Variants in ANKDD1A observed in about 807,000 individuals in gnomAD.
ANKDD1A encodes the protein ankyrin repeat and death domain-containing protein 1A.
ANKDD1A carries 59 observed loss-of-function variants against 63.5 expected under a neutral mutation model. The observed-to-expected ratio is 0.93, with a 90% CI of 0.75 to 1.15. The LOEUF (loss-of-function observed/expected upper bound fraction) is 1.15, where lower values mean the gene tolerates loss of function less well. Among genes scored for constraint, ANKDD1A ranks in the 50% most tolerant of loss-of-function variants. The pLI is 0.00. For missense variants in ANKDD1A, 632 were observed against 656.4 expected (o/e 0.96, Z 0.41); for synonymous variants, 266 against 263.9 (o/e 1.01, Z -0.08).
Position 64,943,480 on chromosome 15 carries a change from C to G in ANKDD1A, c.967-4C>G, listed in dbSNP as rs759192204. 1.9e-6 allele frequency: 3 copies of G among 1,614,146 alleles called. No individual in the cohort carries two copies. Among genetic ancestry groups the G allele is most frequent in the Non-Finnish European group, 2.5e-6 (3 of 1,180,000 alleles). On this transcript the variant is annotated splice_region_variant and splice_polypyrimidine_tract_variant and intron_variant, in intron 10 of 14. Coordinates refer to ENST00000319580, the MANE Select transcript of ANKDD1A (RefSeq NM_182703.6). ...CTTACCTATTCCCTTGGCTTCTCCC[C>G]TAGAGGCAGCAGACGCCCCTTCACC... is the stretch of plus-strand genomic sequence containing the variant.
intron 3 of ANKDD1A, among the ~76,000 whole-genome samples, chr15:64,918,069 A>G (rs902096084): frequency 2.6e-4 from 39 of 152,252 alleles, no homozygotes; most frequent in African/African-American, 8.0e-4. Flanking sequence ...CTACATTTAA[A>G]TTAAAAAAAA....
intron 11 of ANKDD1A, among the ~76,000 whole-genome samples, chr15:64,944,009 C>A (rs2085205126): frequency 6.6e-6 from 1 of 152,166 alleles, no homozygotes; most frequent in Non-Finnish European, 1.5e-5. Context: ...GAGCCAAAGA[C>A]TTGGTATGAG....
intron 8 of ANKDD1A, 184 bp downstream of exon 8, chr15:64,931,769 C>G: frequency 3.1e-6 from 2 of 634,974 alleles, no homozygotes; most frequent in Admixed American, 5.6e-5. Flanking sequence ...CTTAACCTCT[C>G]TGAGCCTTGT....
intron 3 of ANKDD1A, among the ~76,000 whole-genome samples, chr15:64,919,270 G>A (rs949144568): frequency 1.3e-5 from 2 of 152,098 alleles, no homozygotes; most frequent in African/African-American, 2.4e-5. Context: ...TTACTCCCAA[G>A]CGTCTGTGGA....
intron 6 of ANKDD1A, among the ~76,000 whole-genome samples, chr15:64,927,278 A>T (rs1341349057): frequency 2.0e-5 from 3 of 152,146 alleles, no homozygotes. Context: ...TTCTGATCCG[A>T]CGTGGCTGGC....
chr15:64,934,288 C>A, intron 9 of ANKDD1A, 54 bp downstream of exon 9: 1 of 1,524,988 alleles, frequency 6.6e-7, no homozygotes, highest in Non-Finnish European at 9.0e-7. Context: ...CTTCCATGAG[C>A]ACACTGATGA....
intron 14 of ANKDD1A, chr15:64,951,317 T>TTCTCTTC (rs201616755): frequency 5.4e-6 from 4 of 736,124 alleles, no homozygotes; most frequent in African/African-American, 7.9e-5. Flanking sequence ...CTTCTTCTTC[T>TTCTCTTC]TTCTTCTTTC....
intron 9 of ANKDD1A, among the ~76,000 whole-genome samples, chr15:64,935,896 G>A (rs950402359): frequency 6.6e-6 from 1 of 152,032 alleles, no homozygotes; most frequent in African/African-American, 2.4e-5. Flanking sequence ...TTTCTAGAAG[G>A]CAAGTTGACA....
chr15:64,938,899 C>G (rs373336451), intron 9 of ANKDD1A, among the ~76,000 whole-genome samples: 1 of 150,168 alleles, frequency 6.7e-6, no homozygotes, highest in Non-Finnish European at 1.5e-5. Context: ...GAGCCGAGAT[C>G]GCGCCACTGC....
chr15:64,919,378 A>C (rs2140365725), intron 3 of ANKDD1A, among the ~76,000 whole-genome samples: 1 of 152,370 alleles, frequency 6.6e-6, no homozygotes, highest in East Asian at 1.9e-4. Flanking sequence ...GCTCTGAACC[A>C]GTGCCAGGTC....
At chr15:64,951,995 TTTTC>T (rs554021131) in intron 14 of ANKDD1A, among the ~76,000 whole-genome samples, 143 of 150,706 alleles carry the variant, frequency 9.5e-4, no homozygotes, top group African/African-American at 3.2e-3. Flanking sequence ...TTCTTCTTTC[TTTTC>T]TTTCTTCTTC....
In ANKDD1A at chr15:64,942,500, C is replaced by A. The variant is rs200369345; in HGVS notation, c.901C>A (p.His301Asn). Reference protein sequence around the residue: ...GASPLHLAVRHNFPALVRLLI... With the variant: ...GASPLHLAVRNNFPALVRLLI... ...CTCTCCTCTGCACCTCGCTGTGAGG[C>A]ACAACTTCCCTGCCTTGGTCCGGCT... is the stretch of plus-strand genomic sequence containing the variant. The change falls in exon 10 of 15, where the codon CAC becomes AAC. Residue 301 changes from histidine to asparagine, a missense_variant. Coordinates refer to ENST00000319580, the MANE Select transcript of ANKDD1A (RefSeq NM_182703.6). 1 of 1,613,840 alleles carries A rather than the reference C, an allele frequency of 6.2e-7. No homozygotes were observed. The highest frequency in any genetic ancestry group is 1.1e-5 in the South Asian group (1 of 91,028).
chr15:64,951,357 C>CCTCCTCCTTTG, intron 14 of ANKDD1A: 1 of 526,538 alleles, frequency 1.9e-6, no homozygotes, highest in Non-Finnish European at 2.3e-6. Context: ...CCTCTTCTTT[C>CCTCCTCCTTTG]TTCTTCCTCT....
chr15:64,922,824 A>G (rs1250044034), intron 4 of ANKDD1A, among the ~76,000 whole-genome samples: 1 of 152,114 alleles, frequency 6.6e-6, no homozygotes, highest in East Asian at 1.9e-4. Flanking sequence ...ATTTTTTCCA[A>G]TCATGAATGT....
At chr15:64,951,637 CTTCT>C (rs998842220) in intron 14 of ANKDD1A, among the ~76,000 whole-genome samples, 3 of 135,214 alleles carry the variant, frequency 2.2e-5, no homozygotes. Context: ...TTCTTTTCTT[CTTCT>C]ATCTTCTTTC....
rs574222349 is a variant in ANKDD1A at position 64,954,505 on chromosome 15, T to G, written c.1484-2598T>G. On this transcript the variant is annotated intron_variant, in intron 14 of 14. Coordinates refer to ENST00000319580, the MANE Select transcript of ANKDD1A (RefSeq NM_182703.6). ...TCTTCTTCCTTCTCCTTCTTCTTCC[T>G]TCTTCTCCTCTTTCTTCTCCTTCTT... Among the ~76,000 whole-genome samples, 19 of 137,214 alleles carry G rather than the reference T, an allele frequency of 1.4e-4. 1 individual carries two copies. The Admixed American group carries it at 1.4e-3, about 10-fold the overall frequency. The allele number at this position is 137,214 out of a possible 152,430, so 90.0% of individuals were successfully genotyped here.
Position 64,954,332 on chromosome 15 carries a change from C to CTTAG in ANKDD1A, c.1484-2769_1484-2768insAGTT, listed in dbSNP as rs2085381165. 5.7e-4 allele frequency among the ~76,000 whole-genome samples: 52 copies of CTTAG among 91,356 alleles called. 2 individuals carry two copies. The highest frequency in any genetic ancestry group is 5.3e-3 in the South Asian group (13 of 2,452). 59.9% of individuals were successfully genotyped at this position (91,356 alleles called of 152,430 possible). ...TTCTCTTCCTTCTTAGTTCTTCCTT[C>CTTAG]TTCTTCCTCCTCTCCTTCTTCTCTT... is the stretch of plus-strand genomic sequence containing the variant. On this transcript the variant is annotated intron_variant, in intron 14 of 14. Transcript: ENST00000319580.
intron 14 of ANKDD1A, among the ~76,000 whole-genome samples, chr15:64,953,491 CTTTAG>C (rs2085342264): frequency 1.0e-5 from 1 of 98,086 alleles, no homozygotes; most frequent in Non-Finnish European, 2.1e-5. Flanking sequence ...TCTCCTTCTT[CTTTAG>C]TTCTTCCTCC....
intron 14 of ANKDD1A, among the ~76,000 whole-genome samples, chr15:64,953,615 C>CCTCTTCTTCTCCTTCTTCTTAGTTCTTCT (rs1206540695): frequency 2.8e-5 from 3 of 108,910 alleles, no homozygotes; most frequent in South Asian, 3.5e-4. Flanking sequence ...TTCTTCTCTC[C>CCTCTTCTTCTCCTTCTTCTTAGTTCTTCT]TTCTTCTTCT....
Sources: gnomAD v4.1 joint callset for allele counts (sites outside exome capture counted in the v4.1 genomes callset) on GRCh38, gnomAD v4.1.1 for gene constraint, MANE v1.5 for transcripts, NCBI Gene and HGNC (gene_info 2026-07-23, HGNC 2026-07-21) for gene names.